ITPR2: variants seen among roughly 807,000 people sequenced by gnomAD.
ITPR2 encodes the protein inositol 1,4,5-trisphosphate receptor type 2, also known as inositol 1,4,5-trisphosphate-gated calcium channel ITPR2.
A neutral mutation model predicts 317.1 loss-of-function variants in ITPR2; 207 were observed. The observed-to-expected ratio is 0.65, with a 90% confidence interval of 0.58 to 0.73. ITPR2 has a LOEUF of 0.73. ITPR2 is among the 30% of genes least tolerant of loss of function. The pLI is 0.00. For synonymous variants in ITPR2, 1,156 were observed against 1,149.1 expected (o/e 1.01, Z -0.12); for missense variants, 2,613 against 3,284.0 (o/e 0.80, Z 4.99).
chr12:26,638,492 G>A (rs746748941), intron 21 of ITPR2, among the ~76,000 whole-genome samples: 4 of 151,994 alleles, frequency 2.6e-5, no homozygotes, highest in Non-Finnish European at 4.4e-5. Context: ...CCAGCCCCAC[G>A]ACCAAAGGCA....
At chr12:26,410,182 A>G (rs1183792359) in intron 52 of ITPR2, among the ~76,000 whole-genome samples, 1 of 152,202 alleles carries the variant, frequency 6.6e-6, no homozygotes, top group Non-Finnish European at 1.5e-5. Context: ...TGCAAATAGC[A>G]GGATTTTAGA....
chr12:26,781,504 A>G (rs150200027), intron 2 of ITPR2, among the ~76,000 whole-genome samples: 32 of 152,264 alleles, frequency 2.1e-4, no homozygotes, highest in African/African-American at 7.5e-4. Flanking sequence ...GGATTGGTAC[A>G]TTTCCGGTTG....
chr12:26,726,777 A>G (rs1277504069), intron 2 of ITPR2, among the ~76,000 whole-genome samples: 1 of 152,210 alleles, frequency 6.6e-6, no homozygotes, highest in Non-Finnish European at 1.5e-5. Context: ...ATTGTATTTA[A>G]AAAGATGATA....
intron 9 of ITPR2, among the ~76,000 whole-genome samples, chr12:26,707,143 AG>A (rs767778124): frequency 2.0e-5 from 3 of 152,220 alleles, no homozygotes; most frequent in African/African-American, 4.8e-5. Flanking sequence ...CATTCTTTGA[AG>A]GCAAAGACTG....
At chr12:26,646,024 G>A (rs1947105747) in intron 21 of ITPR2, among the ~76,000 whole-genome samples, 1 of 143,990 alleles carries the variant, frequency 6.9e-6, no homozygotes, top group African/African-American at 2.6e-5. Context: ...AGTGGACTAG[G>A]GCTTCTGGTT....
chr12:26,394,443 CAGG>C (rs1939934543), intron 54 of ITPR2, among the ~76,000 whole-genome samples: 1 of 152,056 alleles, frequency 6.6e-6, no homozygotes, highest in African/African-American at 2.4e-5. Flanking sequence ...AGAGAGAGGG[CAGG>C]AGTTCAACAG....
At chr12:26,471,724 G>A (rs144358969) in intron 45 of ITPR2, among the ~76,000 whole-genome samples, 1 of 152,314 alleles carries the variant, frequency 6.6e-6, no homozygotes, top group Non-Finnish European at 1.5e-5. Flanking sequence ...GATGATTATA[G>A]TAAAACAAAG....
chr12:26,789,135 C>T (rs1039644815), intron 2 of ITPR2, among the ~76,000 whole-genome samples: 2 of 152,198 alleles, frequency 1.3e-5, no homozygotes, highest in African/African-American at 4.8e-5. Context: ...ACATTCTGCG[C>T]AAATTTCTCT....
At chr12:26,400,907 G>A (rs1268277260) in intron 52 of ITPR2, 2 of 152,306 alleles carry the variant, frequency 1.3e-5, no homozygotes, top group African/African-American at 4.8e-5. Flanking sequence ...CCGTTTGGGG[G>A]TTACACTCTT....
chr12:26,504,487 T>C (rs1049688134), intron 37 of ITPR2, among the ~76,000 whole-genome samples: 1 of 147,004 alleles, frequency 6.8e-6, no homozygotes, highest in Non-Finnish European at 1.6e-5. Flanking sequence ...ATACAGCCAA[T>C]AAACATGAAA....
intron 36 of ITPR2, among the ~76,000 whole-genome samples, chr12:26,552,347 C>G (rs1367168223): frequency 6.6e-6 from 1 of 152,090 alleles, no homozygotes; most frequent in Non-Finnish European, 1.5e-5. Flanking sequence ...TGCCACCATG[C>G]CTGGCTAAAT....
intron 26 of ITPR2, among the ~76,000 whole-genome samples, chr12:26,609,467 C>T (rs1471232493): frequency 2.0e-5 from 3 of 151,980 alleles, no homozygotes; most frequent in Admixed American, 6.6e-5. Flanking sequence ...ATCAGCCAGG[C>T]GTGGTGGTGC....
intron 1 of ITPR2, among the ~76,000 whole-genome samples, chr12:26,817,802 A>G (rs762504624): frequency 2.0e-5 from 3 of 148,496 alleles, no homozygotes; most frequent in African/African-American, 4.9e-5. Context: ...CCTCATCTGT[A>G]TGGTCCAAGA....
Position 26,483,833 on chromosome 12 carries a change from C to T in ITPR2, c.5877G>A (p.Leu1959=). ...YNLVCETLQF[L]DCICGSTTGG... The stretch of plus-strand genomic sequence containing the variant: ...CGGTTGTACTTCCACAAATGCAGTC[C>T]AGAAACTGAAGGGTCTCACAGACTA... The change falls in exon 42 of 57, where the codon CTG becomes CTA. Residue 1959 remains leucine, a synonymous_variant. Coordinates refer to ENST00000381340, the MANE Select transcript of ITPR2 (RefSeq NM_002223.4). 6 of 1,614,140 alleles carry T rather than the reference C, an allele frequency of 3.7e-6. No individual in the cohort carries two copies. The highest frequency in any genetic ancestry group is 3.3e-5 in the South Asian group (3 of 91,084).
intron 55 of ITPR2, among the ~76,000 whole-genome samples, chr12:26,358,477 G>A (rs1938711415): frequency 6.6e-6 from 1 of 152,024 alleles, no homozygotes; most frequent in Admixed American, 6.5e-5. Flanking sequence ...GTGTGCTGCT[G>A]GACTGTGATC....
Position 26,570,299 on chromosome 12 carries a change from T to C in ITPR2, c.4631-8347A>G, listed in dbSNP as rs563313785. Among the ~76,000 whole-genome samples, 42 of 152,314 alleles carry C rather than the reference T, an allele frequency of 2.8e-4. No homozygotes were observed. In the South Asian group the frequency reaches 5.0e-3, roughly 18 times the overall value. On this transcript the variant is annotated intron_variant, in intron 34 of 56. Transcript: ENST00000381340. ...ATGCATTTCAGATAATGAGGAATCA[T>C]TATAAATCAGTTGAGTTAATAAATA...
intron 32 of ITPR2, among the ~76,000 whole-genome samples, chr12:26,592,650 A>C (rs1464136295): frequency 6.6e-6 from 1 of 152,230 alleles, no homozygotes; most frequent in African/African-American, 2.4e-5. Flanking sequence ...TTTGACTACT[A>C]GTCTCTTCCA....
chr12:26,637,990 C>G (rs1472582394), intron 21 of ITPR2, among the ~76,000 whole-genome samples: 1 of 152,046 alleles, frequency 6.6e-6, no homozygotes, highest in African/African-American at 2.4e-5. Context: ...TAGAACAAAA[C>G]AAAAACCAAC....
chr12:26,738,786 A>G (rs1949176167), intron 2 of ITPR2, among the ~76,000 whole-genome samples: 1 of 151,742 alleles, frequency 6.6e-6, no homozygotes, highest in Non-Finnish European at 1.5e-5. Context: ...TCTTCCTTAC[A>G]TGATTATAAA....
Sources: gnomAD v4.1 joint callset for allele counts (sites outside exome capture counted in the v4.1 genomes callset) on GRCh38, gnomAD v4.1.1 for gene constraint, MANE v1.5 for transcripts, NCBI Gene and HGNC (gene_info 2026-07-23, HGNC 2026-07-21) for gene names.